NCKAP1: variants seen among roughly 807,000 people sequenced by gnomAD.
NCKAP1 encodes the protein NCK associated protein 1.
In NCKAP1, 21 loss-of-function variants were observed where a neutral mutation model predicts 151.2. The ratio of observed to expected loss-of-function variants is 0.14; its 90% CI spans 0.10 to 0.20. The LOEUF (loss-of-function observed/expected upper bound fraction) is 0.20. NCKAP1 is among the 10% of genes least tolerant of loss of function. The pLI, the probability that NCKAP1 is intolerant of heterozygous loss-of-function variation, is 1.00. For missense variants in NCKAP1, 933 were observed against 1,352.1 expected (o/e 0.69, Z 4.86); for synonymous variants, 484 against 451.8 (o/e 1.07, Z -0.90).
chr2:182,945,190 G>A (rs1697075613), intron 23 of NCKAP1, among the ~76,000 whole-genome samples: 1 of 152,046 alleles, frequency 6.6e-6, no homozygotes, highest in Middle Eastern at 3.4e-3. Flanking sequence ...AGCTGAGATT[G>A]TGCCATTGCA....
chr2:182,972,160 C>T (rs940427024), intron 15 of NCKAP1, among the ~76,000 whole-genome samples: 9 of 135,934 alleles, frequency 6.6e-5, no homozygotes, highest in Admixed American at 2.5e-4. Flanking sequence ...AAAATATCTA[C>T]GAACTATTCA....
chr2:182,961,212 C>G lies in NCKAP1; in HGVS notation c.1881+947G>C, dbSNP rs1400614606. Among the ~76,000 whole-genome samples, 3 of 152,146 alleles carry G rather than the reference C, an allele frequency of 2.0e-5. No homozygotes were observed. In the East Asian group the frequency reaches 5.8e-4, roughly 29 times the overall value. On this transcript the variant is annotated intron_variant, in intron 18 of 30. Transcript: ENST00000361354. The stretch of plus-strand genomic sequence containing the variant: ...ATCTAGAACTAGAAATACCATTTGA[C>G]CCAGCCATCCCATTACTGGGTATAT...
chr2:183,018,568 T>C (rs959205767), intron 2 of NCKAP1, among the ~76,000 whole-genome samples: 4 of 152,168 alleles, frequency 2.6e-5, no homozygotes, highest in Admixed American at 6.5e-5. Flanking sequence ...ACATTTATGT[T>C]TTTAGGAGTT....
intron 1 of NCKAP1, among the ~76,000 whole-genome samples, chr2:183,027,551 A>C (rs1204526611): frequency 1.3e-5 from 2 of 152,192 alleles, no homozygotes; most frequent in East Asian, 3.8e-4. Context: ...GAACCATAAC[A>C]AATAATTCAG....
chr2:183,037,127 C>T (rs1281400704), intron 1 of NCKAP1, among the ~76,000 whole-genome samples: 1 of 152,236 alleles, frequency 6.6e-6, no homozygotes, highest in Non-Finnish European at 1.5e-5. Context: ...TGGTCTTCCA[C>T]TCCTTACTGT....
chr2:182,991,730 T>C (rs1050053162), intron 8 of NCKAP1, among the ~76,000 whole-genome samples: 1 of 148,882 alleles, frequency 6.7e-6, no homozygotes, highest in Non-Finnish European at 1.5e-5. Flanking sequence ...TTGAAGAAAA[T>C]CTTTGAAGGC....
intron 23 of NCKAP1, among the ~76,000 whole-genome samples, chr2:182,943,903 C>G (rs569577996): frequency 1.8e-4 from 28 of 152,260 alleles, no homozygotes; most frequent in African/African-American, 6.5e-4. Flanking sequence ...TCGGGTATGT[C>G]TCACTTTAAA....
rs1341819255 is a variant in NCKAP1 at position 182,921,124 on chromosome 2, T to G, written c.*4578A>C. ...TATAATTTGGTTGCAACCTCGTAAG[T>G]TGCTTCCTGTTCTATAATTTAAAAT... On this transcript the variant is annotated 3_prime_UTR_variant, in exon 31 of 31. Coordinates refer to ENST00000361354, the MANE Select transcript of NCKAP1 (RefSeq NM_013436.5). 1 of 151,706 alleles carries G rather than the reference T, an allele frequency of 6.6e-6. No homozygotes were observed. The highest frequency in any genetic ancestry group is 2.4e-5 in the African/African-American group (1 of 41,008). 9.4% of individuals were successfully genotyped at this position (151,706 alleles called of 1,614,324 possible).
chr2:182,940,116 C>T (rs116318081), intron 24 of NCKAP1, among the ~76,000 whole-genome samples: 1,914 of 151,904 alleles, frequency 0.013, 26 homozygotes, highest in Non-Finnish European at 0.022. Flanking sequence ...AACACTGCAG[C>T]GGATTATTTG....
intron 1 of NCKAP1, among the ~76,000 whole-genome samples, chr2:183,035,262 A>G (rs891669861): frequency 2.0e-5 from 3 of 151,744 alleles, no homozygotes; most frequent in Non-Finnish European, 4.4e-5. Flanking sequence ...TTAAGATCTC[A>G]AAATTTTTGA....
intron 24 of NCKAP1, among the ~76,000 whole-genome samples, chr2:182,936,028 G>A (rs548658120): frequency 2.6e-5 from 4 of 152,120 alleles, no homozygotes; most frequent in African/African-American, 7.2e-5. Context: ...AGGCTGAACC[G>A]GGAAGATTGC....
intron 2 of NCKAP1, among the ~76,000 whole-genome samples, chr2:183,008,180 G>C (rs1209151631): frequency 6.6e-6 from 1 of 152,002 alleles, no homozygotes; most frequent in Non-Finnish European, 1.5e-5. Flanking sequence ...CGCCCGCCTC[G>C]GCCTCCCAAA....
Position 182,981,321 on chromosome 2 carries a change from A to G in NCKAP1, c.1264T>C (p.Tyr422His). The stretch of plus-strand genomic sequence containing the variant: ...TAATACCTCTGCATTACAGGTCCGT[A>G]TTTCCTCACATGTGCTCTAAGTTCT... The part of the protein sequence containing the change: ...MEELRAHVRK[Y>H]GPVMQRYYVQ... The change falls in exon 13 of 31, where the codon TAC becomes CAC. Residue 422 changes from tyrosine to histidine, a missense_variant. Tyr to His is a moderately conservative substitution (Grantham distance 83, BLOSUM62 2). Transcript: ENST00000361354. The G allele has an allele frequency of 1.2e-6, 2 of 1,613,666 alleles. No homozygotes were observed. Among genetic ancestry groups the G allele is most frequent in the Non-Finnish European group, 1.7e-6 (2 of 1,179,594 alleles).
intron 15 of NCKAP1, among the ~76,000 whole-genome samples, chr2:182,973,862 A>G (rs1411390047): frequency 6.6e-6 from 1 of 152,156 alleles, no homozygotes; most frequent in African/African-American, 2.4e-5. Flanking sequence ...AGCAATTTTA[A>G]CTTGAAAAAT....
chr2:183,016,953 G>A (rs907308220), intron 2 of NCKAP1, among the ~76,000 whole-genome samples: 2 of 152,128 alleles, frequency 1.3e-5, no homozygotes, highest in African/African-American at 4.8e-5. Flanking sequence ...TAAATGACCA[G>A]TTTGATATTT....
Position 182,918,339 on chromosome 2 carries a change from G to T in NCKAP1, c.*7363C>A, listed in dbSNP as rs911686867. ...TTTGATCCAGCAATCCTACTACTGG[G>T]TATCTACCCAAAGGAAGTCAATATA... On this transcript the variant is annotated 3_prime_UTR_variant, in exon 31 of 31. Coordinates refer to ENST00000361354, the MANE Select transcript of NCKAP1 (RefSeq NM_013436.5). The T allele has an allele frequency of 8.5e-5, 13 of 152,126 alleles. No homozygotes were observed. The highest frequency in any genetic ancestry group is 2.9e-4 in the African/African-American group (12 of 41,510). The allele number at this position is 152,126 out of a possible 1,614,324, so 9.4% of individuals were successfully genotyped here.
intron 15 of NCKAP1, among the ~76,000 whole-genome samples, chr2:182,968,670 CAGAGCTTAGGGAAATAGCAGAA>C (rs1371152839): frequency 6.6e-6 from 1 of 152,216 alleles, no homozygotes; most frequent in South Asian, 2.1e-4. Context: ...ACCACACCTG[CAGAGCTTAGGGAAATAGCAGAA>C]ATAATGCATA....
chr2:182,924,844 T>C lies in NCKAP1; in HGVS notation c.*858A>G, dbSNP rs1696609767. ...CTAAGTTTAAACAAAAACTTTATTA[T>C]TATTGAACGAATATCCAAGGATCTT... On this transcript the variant is annotated 3_prime_UTR_variant, in exon 31 of 31. Transcript: ENST00000361354. 1.3e-5 allele frequency: 2 copies of C among 152,190 alleles called. No homozygotes were observed. The highest frequency in any genetic ancestry group is 6.5e-5 in the Admixed American group (1 of 15,268). The allele number at this position is 152,190 out of a possible 1,614,324, so 9.4% of individuals were successfully genotyped here.
chr2:182,988,359 T>C (rs978175291), intron 9 of NCKAP1, among the ~76,000 whole-genome samples: 1 of 152,206 alleles, frequency 6.6e-6, no homozygotes, highest in Admixed American at 6.5e-5. Context: ...CCAACTTATA[T>C]ATTCAACATA....
Sources: allele counts gnomAD v4.1 joint callset (sites outside exome capture counted in the v4.1 genomes callset), GRCh38; gene constraint gnomAD v4.1.1; transcripts MANE v1.5; gene names NCBI Gene and HGNC (gene_info 2026-07-23, HGNC 2026-07-21).